MARK1: variants seen among roughly 807,000 people sequenced by gnomAD.
MARK1 encodes serine/threonine-protein kinase MARK1.
In MARK1, 40 loss-of-function variants were observed where a neutral mutation model predicts 96.3. The observed-to-expected ratio is 0.42, with a 90% CI of 0.32 to 0.54. MARK1 has a LOEUF of 0.54. Ranked by LOEUF, MARK1 falls within the 20% of genes least tolerant of loss-of-function variation. MARK1 has a pLI of 0.16. For synonymous variants in MARK1, 317 were observed against 341.2 expected (o/e 0.93, Z 0.78); for missense variants, 719 against 984.6 (o/e 0.73, Z 3.61).
intron 13 of MARK1, among the ~76,000 whole-genome samples, chr1:220,644,324 G>A (rs1480517791): frequency 1.3e-5 from 2 of 151,886 alleles, no homozygotes; most frequent in Non-Finnish European, 2.9e-5. Context: ...ACCAAGAAGG[G>A]CATTACATAA....
At chr1:220,531,625 ATATAC>A (rs1660323315) in intron 1 of MARK1, among the ~76,000 whole-genome samples, 2 of 152,150 alleles carry the variant, frequency 1.3e-5, no homozygotes, top group African/African-American at 2.4e-5. Flanking sequence ...CTGATCTCTT[ATATAC>A]TACTGCTATA....
rs563731232 is a variant in MARK1, at chr1:220,643,247, G to A, written c.1470+7221G>A. ...TGTTAACTAGAATAACCAGTTTAGA[G>A]AGGAGCTTAATGACCTGGTGGAGCC... On this transcript the variant is annotated intron_variant, in intron 13 of 17. Coordinates refer to ENST00000366917, the MANE Select transcript of MARK1 (RefSeq NM_018650.5). Among the ~76,000 whole-genome samples, 4 of 152,304 alleles carry A rather than the reference G, an allele frequency of 2.6e-5. No homozygotes were observed. In the South Asian group the frequency reaches 8.3e-4, roughly 32 times the overall value.
chr1:220,568,367 G>GTA (rs1190360964), intron 1 of MARK1, among the ~76,000 whole-genome samples: 4 of 152,078 alleles, frequency 2.6e-5, no homozygotes, highest in African/African-American at 9.7e-5. Context: ...TAGGCAGAGG[G>GTA]TACATCTAGA....
intron 1 of MARK1, among the ~76,000 whole-genome samples, chr1:220,557,699 A>G (rs561001578): frequency 2.4e-4 from 36 of 152,336 alleles, no homozygotes; most frequent in Non-Finnish European, 4.1e-4. Context: ...GTTGGATACA[A>G]GAAGTGATAA....
rs777217206 is a variant in MARK1, at chr1:220,599,838, T to C, written c.399T>C (p.Tyr133=). The C allele has an allele frequency of 6.2e-7, 1 of 1,609,428 alleles. No homozygotes were observed. The highest frequency in any genetic ancestry group is 8.5e-7 in the Non-Finnish European group (1 of 1,177,222). ...FEVIETEKTL[Y]LVMEYASGGE... Reference sequence around the variant, plus strand: ...TTATTGAAACAGAGAAGACTCTCTATTTAGTCATGGAATACGCGAGTGGGG... The same window carrying C: ...TTATTGAAACAGAGAAGACTCTCTACTTAGTCATGGAATACGCGAGTGGGG... The change falls in exon 5 of 18, where the codon TAT becomes TAC. Residue 133 remains tyrosine, a synonymous_variant. Transcript: ENST00000366917.
At chr1:220,599,234 A>C (rs1037184886) in intron 4 of MARK1, among the ~76,000 whole-genome samples, 5 of 152,176 alleles carry the variant, frequency 3.3e-5, no homozygotes, top group Non-Finnish European at 7.4e-5. Flanking sequence ...GTGACAAGTA[A>C]AATTCTTTTT....
chr1:220,636,271 T>C (rs1200725020), intron 13 of MARK1, among the ~76,000 whole-genome samples: 1 of 152,218 alleles, frequency 6.6e-6, no homozygotes, highest in East Asian at 1.9e-4. Flanking sequence ...TCCTGCTTCA[T>C]TTTCCTTTTT....
At chr1:220,614,511 T>C (rs1026074284) in intron 6 of MARK1, among the ~76,000 whole-genome samples, 1 of 151,934 alleles carries the variant, frequency 6.6e-6, no homozygotes, top group Admixed American at 6.6e-5. Context: ...CCTTGTATTA[T>C]AGGGGAATAA....
At chr1:220,635,292 T>G in intron 11 of MARK1, 84 bp from the exon 12 acceptor site, 1 of 1,290,252 alleles carries the variant, frequency 7.8e-7, no homozygotes, top group Non-Finnish European at 1.1e-6. Flanking sequence ...TTTAAGTCAT[T>G]TAGAAAATCA....
chr1:220,548,900 G>C (rs1386987318), intron 1 of MARK1, among the ~76,000 whole-genome samples: 3 of 152,212 alleles, frequency 2.0e-5, no homozygotes, highest in Non-Finnish European at 4.4e-5. Context: ...GGTATTTTTA[G>C]ATAATTTAGG....
chr1:220,567,956 T>C (rs894769684), intron 1 of MARK1, among the ~76,000 whole-genome samples: 2 of 152,154 alleles, frequency 1.3e-5, no homozygotes, highest in African/African-American at 4.8e-5. Context: ...CTTCAGTTGT[T>C]TTATATGTGT....
At chr1:220,563,915 A>C (rs1459269557) in intron 1 of MARK1, among the ~76,000 whole-genome samples, 2 of 152,174 alleles carry the variant, frequency 1.3e-5, no homozygotes, top group Non-Finnish European at 2.9e-5. Flanking sequence ...GCTTTAAAAA[A>C]CTGATAATCC....
intron 6 of MARK1, among the ~76,000 whole-genome samples, chr1:220,604,342 C>T (rs1391079710): frequency 1.3e-5 from 2 of 151,886 alleles, no homozygotes; most frequent in African/African-American, 4.8e-5. Context: ...TTCAGATTGT[C>T]ATAAAGAATA....
chr1:220,574,413 C>G (rs1035778136), intron 1 of MARK1, among the ~76,000 whole-genome samples: 2 of 152,212 alleles, frequency 1.3e-5, no homozygotes, highest in African/African-American at 4.8e-5. Context: ...TCCATGACTT[C>G]ATTTTTCCCA....
chr1:220,605,318 G>A (rs1021279884), intron 6 of MARK1, among the ~76,000 whole-genome samples: 3 of 152,012 alleles, frequency 2.0e-5, no homozygotes, highest in Non-Finnish European at 4.4e-5. Context: ...AGAAATATTC[G>A]TGTTAAAATA....
At chr1:220,614,813 A>G (rs1156337416) in intron 6 of MARK1, among the ~76,000 whole-genome samples, 4 of 151,952 alleles carry the variant, frequency 2.6e-5, no homozygotes, top group African/African-American at 4.8e-5. Context: ...TTTTGAATTC[A>G]TGTTTTCTCT....
rs1669075882 is a variant in MARK1 at position 220,654,778 on chromosome 1, C to T, written c.1988+1426C>T. Reference sequence around the variant, plus strand: ...AGAAAAATAGGTTTATAGTTTAGTGCTTGATTACTAATTGTGCATTAAGCA... The same window carrying T: ...AGAAAAATAGGTTTATAGTTTAGTGTTTGATTACTAATTGTGCATTAAGCA... On this transcript the variant is annotated intron_variant, in intron 16 of 17. Coordinates refer to ENST00000366917, the MANE Select transcript of MARK1 (RefSeq NM_018650.5). This position sits in a 1 kb window ranked among gnomAD's most constrained non-coding sequence, Gnocchi z 4.0. 6.6e-6 allele frequency among the ~76,000 whole-genome samples: 1 copy of T among 152,148 alleles called. No individual in the cohort carries two copies. The highest frequency in any genetic ancestry group is 2.1e-4 in the South Asian group (1 of 4,828).
At chr1:220,538,388 A>G (rs980620490) in intron 1 of MARK1, among the ~76,000 whole-genome samples, 2 of 150,340 alleles carry the variant, frequency 1.3e-5, no homozygotes, top group Non-Finnish European at 3.0e-5. Flanking sequence ...AGATAGTTGT[A>G]GATATGCAGC....
At chr1:220,661,729 C>A in intron 17 of MARK1, 83 bp from the exon 18 acceptor site, 1 of 1,028,644 alleles carries the variant, frequency 9.7e-7, no homozygotes, top group East Asian at 2.6e-5. Context: ...TGAACTATGA[C>A]CACTTAGATT....
Sources: allele counts gnomAD v4.1 joint callset (sites outside exome capture counted in the v4.1 genomes callset), GRCh38; gene constraint gnomAD v4.1.1; non-coding constraint Gnocchi (gnomAD v3.1); transcripts MANE v1.5; gene names NCBI Gene and HGNC (gene_info 2026-07-23, HGNC 2026-07-21).